Variants in CCDC18 observed in about 807,000 individuals in gnomAD.
The protein encoded by CCDC18 is coiled-coil domain containing 18.
Under a neutral mutation model 196.0 loss-of-function variants are expected in CCDC18, and 157 were observed. The observed-to-expected ratio is 0.80, with a 90% confidence interval of 0.70 to 0.91. The LOEUF is 0.91. Ranked by LOEUF, CCDC18 falls within the 40% of genes least tolerant of loss-of-function variation. The pLI is 0.00. For missense variants in CCDC18, 1,465 were observed against 1,611.6 expected, an observed-to-expected ratio of 0.91 and a Z score of 1.56; for synonymous variants, 482 against 529.2, an observed-to-expected ratio of 0.91 and a Z score of 1.22.
At chr1:93,262,301 A>G (rs1341373588) in intron 26 of CCDC18, 1 of 152,212 alleles carries the variant, frequency 6.6e-6, no homozygotes, top group African/African-American at 2.4e-5. Context: ...AACTCATTCC[A>G]GCATTAACCC....
rs373898901 is a variant in CCDC18, at chr1:93,262,808, C to T, written c.3685-1893C>T. Reference sequence around the variant, plus strand: ...GTGTGGGGGCTCCAACCTCACATTTCTCCTCTGTACTGCCTTAGTAGAGGT... The same window carrying T: ...GTGTGGGGGCTCCAACCTCACATTTTTCCTCTGTACTGCCTTAGTAGAGGT... On this transcript the variant is annotated intron_variant, in intron 26 of 28. Coordinates refer to ENST00000690025, the MANE Select transcript of CCDC18 (RefSeq NM_001378204.1). Among the ~76,000 whole-genome samples, 4 of 152,278 alleles carry T rather than the reference C, an allele frequency of 2.6e-5. No individual in the cohort carries two copies. The East Asian group carries it at 5.8e-4, about 22-fold the overall frequency.
intron 17 of CCDC18, among the ~76,000 whole-genome samples, chr1:93,227,639 G>A (rs1658585940): frequency 2.0e-5 from 3 of 151,808 alleles, no homozygotes; most frequent in South Asian, 2.1e-4. Flanking sequence ...TTTAGAAATC[G>A]TTCCCAATGA....
rs1664277909 is a variant in CCDC18, at chr1:93,264,793, G to A, written c.3777G>A (p.Lys1259=). ...AGCAACTAAACGAACAGTTAGAGAA[G>A]GCAAAATTGGAATTAGAAGAAGCTC... ...SVQQLNEQLE[K]AKLELEEAQD... is the part of the protein sequence containing the mutation. The change falls in exon 27 of 29, where the codon AAG becomes AAA. Residue 1259 remains lysine, a synonymous_variant. Coordinates refer to ENST00000690025, the MANE Select transcript of CCDC18 (RefSeq NM_001378204.1). The A allele has an allele frequency of 1.2e-6, 2 of 1,613,138 alleles. No individual in the cohort carries two copies. The highest frequency in any genetic ancestry group is 1.7e-5 in the Admixed American group (1 of 59,986).
Position 93,239,841 on chromosome 1 carries a change from C to G in CCDC18, c.2926C>G (p.Gln976Glu). Residue 976 changes from glutamine (Q) to glutamate (E), a missense_variant, in exon 21 of 29, where the codon CAA (glutamine) becomes GAA (glutamate). Gln to Glu is a conservative substitution (Grantham distance 29). Transcript: ENST00000690025. Reference protein sequence around the residue: ...QELRDVLQKAQLSLEEKYTTI... With the variant: ...QELRDVLQKAELSLEEKYTTI... ...ATTGAGAGATGTACTACAGAAGGCTCAATTATCATTAGAGGAAAAATACAC... is the reference window on the plus strand; with the variant it reads ...ATTGAGAGATGTACTACAGAAGGCTGAATTATCATTAGAGGAAAAATACAC... 6.2e-7 allele frequency: 1 copy of G among 1,613,130 alleles called. No homozygotes were observed. The highest frequency in any genetic ancestry group is 8.5e-7 in the Non-Finnish European group (1 of 1,179,436).
chr1:93,214,976 G>A lies in CCDC18; in HGVS notation c.1719+10G>A. On this transcript the variant is annotated intron_variant, in intron 12 of 28. Transcript: ENST00000690025. ...CAAACTGGAAAGTGAAGTAAGCTTG[G>A]AATTAGCTTGGTATATATGTTAATT... 2.6e-6 allele frequency: 4 copies of A among 1,549,806 alleles called. No individual in the cohort carries two copies. Among genetic ancestry groups the A allele is most frequent in the Non-Finnish European group, 3.5e-6 (4 of 1,135,188 alleles).
intron 18 of CCDC18, among the ~76,000 whole-genome samples, chr1:93,234,990 C>CA (rs1296740061): frequency 1.4e-5 from 1 of 70,806 alleles, no homozygotes; most frequent in East Asian, 4.9e-4. Context: ...CTTTTTTTTT[C>CA]TTTTTTTTTT....
chr1:93,275,398 C>T (rs921079982), intron 28 of CCDC18, among the ~76,000 whole-genome samples: 3 of 152,116 alleles, frequency 2.0e-5, no homozygotes, highest in Non-Finnish European at 2.9e-5. Flanking sequence ...CGTGAGCCAC[C>T]GCACCTGGCC....
chr1:93,214,371 T>G (rs529045312), intron 11 of CCDC18, among the ~76,000 whole-genome samples: 9 of 152,274 alleles, frequency 5.9e-5, no homozygotes, highest in African/African-American at 2.2e-4. Context: ...TCTCAAACTG[T>G]CCAAATAAAT....
chr1:93,207,943 A>T (rs1654971359), intron 9 of CCDC18, among the ~76,000 whole-genome samples: 2 of 152,132 alleles, frequency 1.3e-5, no homozygotes, highest in African/African-American at 2.4e-5. Flanking sequence ...ATGTTGTGAT[A>T]TCAGTATTTC....
At chr1:93,180,086 G>C, upstream of CCDC18, 2 of 1,613,590 alleles carry the variant, frequency 1.2e-6, no homozygotes, top group Non-Finnish European at 1.7e-6. Flanking sequence ...GCCTTCAGGG[G>C]CATGGGCTGG....
intron 1 of CCDC18, among the ~76,000 whole-genome samples, chr1:93,181,217 T>A (rs1423512991): frequency 3.4e-5 from 1 of 29,254 alleles, no homozygotes; most frequent in Non-Finnish European, 6.6e-5. Flanking sequence ...CGCCCCCGCT[T>A]CTTTCAGACG....
intron 23 of CCDC18, among the ~76,000 whole-genome samples, chr1:93,252,737 T>A (rs932363231): frequency 6.6e-6 from 1 of 152,234 alleles, no homozygotes; most frequent in Non-Finnish European, 1.5e-5. Context: ...GTCTTTGCAG[T>A]CTGGCTTAGT....
At position 93,196,732 on chromosome 1, in the gene CCDC18, C is replaced by A. The variant is rs117409021; in HGVS notation, c.698+2988C>A. On this transcript the variant is annotated intron_variant, in intron 6 of 28. Transcript: ENST00000690025. ...TGTGTATATGGAACCATGTAGTCAA[C>A]AGTTTGAAATTGACATTCTTTCAAG... 8.9e-4 allele frequency among the ~76,000 whole-genome samples: 136 copies of A among 152,278 alleles called. 2 individuals are homozygous for A. The East Asian group carries it at 0.024, about 27-fold the overall frequency.
At chr1:93,227,721 A>G (rs1658601697) in intron 17 of CCDC18, among the ~76,000 whole-genome samples, 1 of 151,918 alleles carries the variant, frequency 6.6e-6, no homozygotes, top group South Asian at 2.1e-4. Flanking sequence ...GGGGAGGCCA[A>G]AGTGGGTGGA....
chr1:93,251,172 A>G (rs963786829), intron 23 of CCDC18, among the ~76,000 whole-genome samples: 12 of 152,222 alleles, frequency 7.9e-5, no homozygotes, highest in African/African-American at 2.7e-4. Flanking sequence ...TGTTATAACA[A>G]GCTATCAAAA....
chr1:93,265,030 A>C, intron 27 of CCDC18, 129 bp downstream of exon 27: 2 of 620,894 alleles, frequency 3.2e-6, no homozygotes, highest in Non-Finnish European at 2.9e-6. Flanking sequence ...AAACCATTTG[A>C]TTTAGAAGAT....
chr1:93,264,870 T>G lies in CCDC18; in HGVS notation c.3854T>G (p.Ile1285Ser). The change falls in exon 27 of 29, where the codon ATT (isoleucine) becomes AGT (serine). Residue 1285 changes from isoleucine to serine, a missense_variant. Transcript: ENST00000690025. ...HQQVQDRNEV[I>S]EAANEALLTK... ...CAAGTCCAAGATAGGAATGAAGTAA[T>G]TGAAGCTGCAAATGAAGCATTACTT... 1 of 1,612,674 alleles carries G rather than the reference T, an allele frequency of 6.2e-7. No homozygotes were observed. Among genetic ancestry groups the G allele is most frequent in the South Asian group, 1.1e-5 (1 of 91,032 alleles).
chr1:93,268,640 G>A (rs1403462456), intron 27 of CCDC18, among the ~76,000 whole-genome samples: 3 of 152,082 alleles, frequency 2.0e-5, no homozygotes, highest in Non-Finnish European at 2.9e-5. Flanking sequence ...CTTCTCAAAA[G>A]AAGACATTTA....
At chr1:93,220,339 A>G (rs1288390902) in intron 14 of CCDC18, among the ~76,000 whole-genome samples, 1 of 152,218 alleles carries the variant, frequency 6.6e-6, no homozygotes, top group Admixed American at 6.5e-5. Context: ...GAAGGACCGC[A>G]TAGAGAATTT....
Sources: gnomAD v4.1 joint callset for allele counts (sites outside exome capture counted in the v4.1 genomes callset) on GRCh38, gnomAD v4.1.1 for gene constraint, MANE v1.5 for transcripts, NCBI Gene and HGNC (gene_info 2026-07-23, HGNC 2026-07-21) for gene names.